PCCA: variants seen among roughly 807,000 people sequenced by gnomAD.
PCCA encodes propionyl-CoA carboxylase subunit alpha.
PCCA carries 74 observed loss-of-function variants against 101.3 expected under a neutral mutation model. The ratio of observed to expected loss-of-function variants is 0.73; its 90% CI spans 0.61 to 0.89. PCCA has a LOEUF of 0.89. PCCA is among the 40% of genes least tolerant of loss of function. The pLI is 0.00. For missense variants in PCCA, 891 were observed against 907.0 expected (o/e 0.98, Z 0.23); for synonymous variants, 294 against 313.6 (o/e 0.94, Z 0.66).
intron 1 of PCCA, among the ~76,000 whole-genome samples, chr13:100,092,234 C>G (rs750999951): frequency 3.3e-5 from 5 of 152,050 alleles, no homozygotes; most frequent in African/African-American, 4.8e-5. Context: ...TTTCATATAT[C>G]TTTTATCCTT....
chr13:100,442,042 G>A (rs1448028311), intron 20 of PCCA, among the ~76,000 whole-genome samples: 1 of 144,178 alleles, frequency 6.9e-6, no homozygotes, highest in Non-Finnish European at 1.5e-5. Context: ...CACTCAGGCT[G>A]TAGTGCAATG....
intron 19 of PCCA, among the ~76,000 whole-genome samples, chr13:100,369,684 G>A (rs184713845): frequency 1.2e-3 from 189 of 152,294 alleles, no homozygotes; most frequent in Non-Finnish European, 2.0e-3. Context: ...GTTAGATACT[G>A]AAAGATACTT....
chr13:100,474,270 A>G lies in PCCA; in HGVS notation c.1899+24965A>G, dbSNP rs115256019. ...AATTTGACTTTTAGTGGAATTTCCA[A>G]GATAAAGGCCCATGTTTTTCCTTTA... On this transcript the variant is annotated intron_variant, in intron 21 of 23. Transcript: ENST00000376285. 5.2e-3 allele frequency among the ~76,000 whole-genome samples: 794 copies of G among 152,304 alleles called. 5 individuals carry two copies. Among genetic ancestry groups the G allele is most frequent in the African/African-American group, 0.018 (741 of 41,562 alleles).
intron 6 of PCCA, among the ~76,000 whole-genome samples, chr13:100,183,412 G>T (rs533355102): frequency 6.6e-6 from 1 of 152,258 alleles, no homozygotes; most frequent in South Asian, 2.1e-4. Flanking sequence ...GACAAAGCAG[G>T]TTCCCTACCC....
intron 1 of PCCA, among the ~76,000 whole-genome samples, chr13:100,097,627 G>T (rs898689927): frequency 2.0e-5 from 3 of 152,174 alleles, no homozygotes; most frequent in African/African-American, 7.2e-5. Context: ...GCTGAGACGG[G>T]AGAATTGCTT....
intron 22 of PCCA, among the ~76,000 whole-genome samples, chr13:100,521,434 C>T (rs537345241): frequency 6.6e-6 from 1 of 152,338 alleles, no homozygotes; most frequent in African/African-American, 2.4e-5. Flanking sequence ...GGCTGGGCGG[C>T]GTCTCCTGCC....
At chr13:100,221,462 ATCT>A (rs2059803756) in intron 7 of PCCA, among the ~76,000 whole-genome samples, 1 of 152,168 alleles carries the variant, frequency 6.6e-6, no homozygotes, top group Non-Finnish European at 1.5e-5. Context: ...TATTTTGGTT[ATCT>A]TCTTAGGAGG....
intron 7 of PCCA, among the ~76,000 whole-genome samples, chr13:100,218,559 G>T (rs942616311): frequency 2.0e-5 from 3 of 152,114 alleles, no homozygotes; most frequent in Non-Finnish European, 2.9e-5. Context: ...TCTTTGTTCA[G>T]CTTTTTGAGG....
At chr13:100,503,280 C>T (rs1220367045) in intron 21 of PCCA, among the ~76,000 whole-genome samples, 1 of 151,246 alleles carries the variant, frequency 6.6e-6, no homozygotes, top group Non-Finnish European at 1.5e-5. Context: ...CACCTGAGGT[C>T]GGGAGTTCAA....
intron 8 of PCCA, chr13:100,237,074 T>G (rs2060846047): frequency 6.6e-6 from 1 of 152,240 alleles, no homozygotes; most frequent in Admixed American, 6.5e-5. Flanking sequence ...TTAGATCTAT[T>G]TTCTGCCTCT....
chr13:100,292,026 G>T (rs2065163922), intron 12 of PCCA, among the ~76,000 whole-genome samples: 1 of 152,182 alleles, frequency 6.6e-6, no homozygotes, highest in Non-Finnish European at 1.5e-5. Flanking sequence ...TAGTAACTCT[G>T]GGGGAGATAG....
intron 6 of PCCA, among the ~76,000 whole-genome samples, chr13:100,170,158 T>C (rs2055493485): frequency 6.6e-6 from 1 of 152,238 alleles, no homozygotes; most frequent in Admixed American, 6.5e-5. Context: ...TTCATTGTGT[T>C]ATGCTATTTT....
chr13:100,347,736 T>A (rs1451706186), intron 18 of PCCA, among the ~76,000 whole-genome samples: 1 of 152,240 alleles, frequency 6.6e-6, no homozygotes, highest in Non-Finnish European at 1.5e-5. Flanking sequence ...ACAAAATATG[T>A]ATTTATGAAA....
intron 19 of PCCA, among the ~76,000 whole-genome samples, chr13:100,376,863 T>C (rs552861151): frequency 6.6e-6 from 1 of 152,182 alleles, no homozygotes; most frequent in Non-Finnish European, 1.5e-5. Context: ...GAAAAAAAAC[T>C]CCTGCAGCTA....
At position 100,264,148 on chromosome 13, in the gene PCCA, CGT is replaced by C. The variant is rs2062763017; in HGVS notation, c.819+1318_819+1319del. 2.7e-5 allele frequency among the ~76,000 whole-genome samples: 3 copies of C among 112,344 alleles called. 1 individual carries two copies. The highest frequency in any genetic ancestry group is 9.5e-5 in the Admixed American group (1 of 10,552). 73.7% of individuals were successfully genotyped at this position (112,344 alleles called of 152,430 possible). On this transcript the variant is annotated intron_variant, in intron 10 of 23. Transcript: ENST00000376285. ...TCGTATATATATGGTATCTGTATATCGTATATATATGGTATCTGTATATCGTA... is the reference window on the plus strand; with the variant it reads ...TCGTATATATATGGTATCTGTATATCATATATATGGTATCTGTATATCGTA...
intron 21 of PCCA, 31 bp from the exon 22 acceptor site, chr13:100,515,396 A>T: frequency 6.2e-7 from 1 of 1,608,546 alleles, no homozygotes; most frequent in South Asian, 1.1e-5. Flanking sequence ...ATTTAAACTC[A>T]TTTATGGTTT....
intron 19 of PCCA, among the ~76,000 whole-genome samples, chr13:100,372,402 G>A (rs898582843): frequency 1.3e-5 from 2 of 151,690 alleles, no homozygotes; most frequent in Middle Eastern, 6.5e-3. Flanking sequence ...ATAACATAGG[G>A]GAAAAGCTTC....
intron 19 of PCCA, among the ~76,000 whole-genome samples, chr13:100,381,310 A>G (rs530864749): frequency 1.3e-5 from 2 of 150,484 alleles, no homozygotes; most frequent in Non-Finnish European, 2.9e-5. Context: ...AATGGCATGA[A>G]CCCGGGAGGT....
intron 9 of PCCA, among the ~76,000 whole-genome samples, chr13:100,260,974 C>T (rs962624405): frequency 2.0e-5 from 3 of 149,278 alleles, no homozygotes; most frequent in Admixed American, 6.6e-5. Context: ...AAACACAAAA[C>T]AAGCAAATCA....
Sources: allele counts gnomAD v4.1 joint callset (sites outside exome capture counted in the v4.1 genomes callset), GRCh38; gene constraint gnomAD v4.1.1; transcripts MANE v1.5; gene names NCBI Gene and HGNC (gene_info 2026-07-23, HGNC 2026-07-21).